RBFOX1: variants seen among roughly 807,000 people sequenced by gnomAD.
The protein encoded by RBFOX1 is RNA binding fox-1 homolog 1.
RBFOX1 carries 8 observed loss-of-function variants against 57.7 expected under a neutral mutation model. That is an observed-to-expected ratio of 0.14 (90% CI 0.08 to 0.25). RBFOX1 has a LOEUF of 0.25. RBFOX1 is among the 10% of genes least tolerant of loss of function. RBFOX1 has a pLI of 1.00. For synonymous variants in RBFOX1, 326 were observed against 222.4 expected (o/e 1.47, Z -4.15); for missense variants, 611 against 548.5 (o/e 1.11, Z -1.14).
chr16:5,580,948 G>T (rs780112717), intron 2 of RBFOX1, among the ~76,000 whole-genome samples: 1 of 152,204 alleles, frequency 6.6e-6, no homozygotes, highest in African/African-American at 2.4e-5. Flanking sequence ...ACAGGCTAAG[G>T]CAAGGGAAAC....
chr16:5,344,721 A>G (rs2065103652), intron 1 of RBFOX1, among the ~76,000 whole-genome samples: 1 of 152,194 alleles, frequency 6.6e-6, no homozygotes, highest in African/African-American at 2.4e-5. Context: ...TCAATATTTG[A>G]TACATTTTTG....
At chr16:6,851,646 G>A (rs1171361186) in intron 3 of RBFOX1, among the ~76,000 whole-genome samples, 1 of 152,026 alleles carries the variant, frequency 6.6e-6, no homozygotes, top group East Asian at 1.9e-4. Flanking sequence ...CTGTTGTCAG[G>A]GAAAGAACAA....
intron 1 of RBFOX1, among the ~76,000 whole-genome samples, chr16:5,313,960 T>C (rs4334302): frequency 0.57 from 86,740 of 151,996 alleles, 27,201 homozygotes; most frequent in South Asian, 0.74. Context: ...GTGTGTCCTT[T>C]CTCTGGGTAA....
intron 2 of RBFOX1, among the ~76,000 whole-genome samples, chr16:5,492,957 G>T (rs1172028570): frequency 6.6e-6 from 1 of 152,204 alleles, no homozygotes; most frequent in East Asian, 1.9e-4. Flanking sequence ...CCTACACCAA[G>T]ATTTGGCAAA....
At chr16:7,042,543 T>G (rs12443891) in intron 3 of RBFOX1, among the ~76,000 whole-genome samples, 2 of 152,080 alleles carry the variant, frequency 1.3e-5, no homozygotes, top group African/African-American at 2.4e-5. Flanking sequence ...TAACTAAGCT[T>G]ATAACTAGGA....
At chr16:5,953,638 A>C (rs911511160) in intron 4 of RBFOX1, among the ~76,000 whole-genome samples, 1 of 151,824 alleles carries the variant, frequency 6.6e-6, no homozygotes, top group Non-Finnish European at 1.5e-5. Context: ...AATAGTCTCT[A>C]ATCTCATCCA....
At chr16:6,991,863 T>C (rs1483608643) in intron 3 of RBFOX1, among the ~76,000 whole-genome samples, 3 of 152,150 alleles carry the variant, frequency 2.0e-5, no homozygotes, top group Non-Finnish European at 4.4e-5. Context: ...TTAATGTGCA[T>C]AGGAATCACT....
At position 6,019,880 on chromosome 16, in the gene RBFOX1, C is replaced by A. The variant is rs1393502704; in HGVS notation, c.-239C>A. The A allele has an allele frequency of 2.6e-6, 4 of 1,534,942 alleles. No individual in the cohort carries two copies. The highest frequency in any genetic ancestry group is 2.0e-5 in the Admixed American group (1 of 50,960). On this transcript the variant is annotated 5_prime_UTR_variant, in exon 1 of 16. Transcript: ENST00000550418. This position sits in a 1 kb window ranked among gnomAD's most constrained non-coding sequence, Gnocchi z 4.2. ...ACAGTGCGTGAGAAACCAGCACCCC[C>A]TTCCGCCGCCTCCAGCTTATGGTGA...
At chr16:5,909,846 G>C (rs2058565713) in intron 4 of RBFOX1, among the ~76,000 whole-genome samples, 1 of 151,980 alleles carries the variant, frequency 6.6e-6, no homozygotes, top group Non-Finnish European at 1.5e-5. Flanking sequence ...GAGGTCAGGA[G>C]TTTCGAGACC....
intron 1 of RBFOX1, among the ~76,000 whole-genome samples, chr16:5,422,616 T>G (rs1313701202): frequency 3.5e-3 from 93 of 26,528 alleles, no homozygotes; most frequent in Non-Finnish European, 4.2e-3. Context: ...AGTGAGAGGG[T>G]GGAGGGACAG....
At chr16:5,941,033 G>T (rs545331792) in intron 4 of RBFOX1, among the ~76,000 whole-genome samples, 5 of 152,254 alleles carry the variant, frequency 3.3e-5, no homozygotes, top group Admixed American at 1.3e-4. Flanking sequence ...CTGGTGGGTT[G>T]TTGTGAGAAT....
At chr16:7,530,191 C>G (rs2079686055) in intron 5 of RBFOX1, among the ~76,000 whole-genome samples, 1 of 152,088 alleles carries the variant, frequency 6.6e-6, no homozygotes, top group South Asian at 2.1e-4. Flanking sequence ...GGTTCAGAGA[C>G]AGAAAGTGAC....
Position 5,783,274 on chromosome 16 carries a change from A to G in RBFOX1, c.319-84029A>G, listed in dbSNP as rs183419442. On this transcript the variant is annotated intron_variant, in intron 3 of 19. Transcript: ENST00000641259. ...ACCTGTGTAACTATCTTTTCAATCT[A>G]TGTATAAGATATCTCTCTCCTCCCA... Among the ~76,000 whole-genome samples, 111 of 152,306 alleles carry G rather than the reference A, an allele frequency of 7.3e-4. 1 individual carries two copies. The highest frequency in any genetic ancestry group is 2.5e-3 in the African/African-American group (102 of 41,574).
chr16:7,096,012 CAA>C (rs71408498), intron 4 of RBFOX1, among the ~76,000 whole-genome samples: 44 of 111,460 alleles, frequency 3.9e-4, no homozygotes, highest in Middle Eastern at 4.6e-3. Context: ...GACTCTGTCT[CAA>C]AAAAAAAAAA....
intron 2 of RBFOX1, among the ~76,000 whole-genome samples, chr16:5,598,331 T>C (rs1567278338): frequency 6.6e-6 from 1 of 152,072 alleles, no homozygotes. Context: ...CCCAGCATCC[T>C]CGGTCTGGGA....
At chr16:7,294,166 G>C (rs914010769) in intron 4 of RBFOX1, among the ~76,000 whole-genome samples, 1 of 152,064 alleles carries the variant, frequency 6.6e-6, no homozygotes, top group East Asian at 1.9e-4. Flanking sequence ...TCCCAAAGTA[G>C]ACCTTCCCAC....
chr16:7,533,794 T>C (rs561595090), intron 5 of RBFOX1, among the ~76,000 whole-genome samples: 5 of 152,248 alleles, frequency 3.3e-5, no homozygotes, highest in Admixed American at 1.3e-4. Flanking sequence ...TGTACTGACC[T>C]TGATTTAAAC....
intron 3 of RBFOX1, among the ~76,000 whole-genome samples, chr16:5,744,556 A>G (rs2052901691): frequency 6.6e-6 from 1 of 152,146 alleles, no homozygotes; most frequent in African/African-American, 2.4e-5. Context: ...TTGAAATTGG[A>G]GTATTTACAA....
At chr16:6,391,182 C>T (rs1393385564) in intron 2 of RBFOX1, among the ~76,000 whole-genome samples, 1 of 152,110 alleles carries the variant, frequency 6.6e-6, no homozygotes, top group African/African-American at 2.4e-5. Context: ...TTCTAGGATC[C>T]ATGGAAAGCC....
Sources: gnomAD v4.1 joint callset for allele counts (sites outside exome capture counted in the v4.1 genomes callset) on GRCh38, gnomAD v4.1.1 for gene constraint, Gnocchi (gnomAD v3.1) non-coding constraint, MANE v1.5 for transcripts, NCBI Gene and HGNC (gene_info 2026-07-23, HGNC 2026-07-21) for gene names.